The following ZMYND8 variants were observed in gnomAD, a reference collection of about 807,000 sequenced individuals.
The protein encoded by ZMYND8 is zinc finger MYND-type containing 8, also known as MYND-type zinc finger-containing chromatin reader ZMYND8.
Under a neutral mutation model 140.8 loss-of-function variants are expected in ZMYND8, and 37 were observed. The observed-to-expected ratio is 0.26, with a 90% CI of 0.20 to 0.35. The LOEUF (loss-of-function observed/expected upper bound fraction) is 0.35, where lower values mean the gene tolerates loss of function less well. Ranked by LOEUF, ZMYND8 falls within the 10% of genes least tolerant of loss-of-function variation. The pLI, the probability that ZMYND8 is intolerant of heterozygous loss-of-function variation, is 1.00. For synonymous variants in ZMYND8, 592 were observed against 597.1 expected, an observed-to-expected ratio of 0.99 and a Z score of 0.12; for missense variants, 1,068 against 1,570.0, an observed-to-expected ratio of 0.68 and a Z score of 5.40.
At chr20:47,352,042 C>T in intron 1 of ZMYND8, 1 of 977,744 alleles carries the variant, frequency 1.0e-6, no homozygotes. Flanking sequence ...TGTGATGAGG[C>T]CCCCTTGCCC....
At chr20:47,294,072 C>G (rs8121954) in intron 5 of ZMYND8, among the ~76,000 whole-genome samples, 4,017 of 152,148 alleles carry the variant, frequency 0.026, 180 homozygotes, top group African/African-American at 0.091. Flanking sequence ...TTCTGGCGAG[C>G]CACAGTGGCT....
chr20:47,316,835 T>A (rs1360974073), intron 2 of ZMYND8, among the ~76,000 whole-genome samples: 1 of 152,046 alleles, frequency 6.6e-6, no homozygotes, highest in African/African-American at 2.4e-5. Flanking sequence ...GTTTCTTTTA[T>A]TATATGTGAT....
intron 3 of ZMYND8, among the ~76,000 whole-genome samples, chr20:47,307,720 T>C (rs557671385): frequency 2.0e-5 from 3 of 151,058 alleles, no homozygotes; most frequent in African/African-American, 7.3e-5. Flanking sequence ...TCCAGCTACG[T>C]GGAGGCTGAG....
At chr20:47,314,506 A>C (rs2079218472) in intron 2 of ZMYND8, among the ~76,000 whole-genome samples, 1 of 152,234 alleles carries the variant, frequency 6.6e-6, no homozygotes, top group South Asian at 2.1e-4. Flanking sequence ...CTTTAAAAAC[A>C]AAACAAAACA....
chr20:47,319,712 G>C (rs963420358), intron 2 of ZMYND8: 3 of 152,218 alleles, frequency 2.0e-5, no homozygotes, highest in Admixed American at 6.5e-5. Flanking sequence ...TAGCAACCGC[G>C]GCCCTTTCTC....
At chr20:47,262,452 A>C (rs2075224082) in intron 11 of ZMYND8, 24 bp from the exon 12 acceptor site, 1 of 1,613,558 alleles carries the variant, frequency 6.2e-7, no homozygotes, top group African/African-American at 1.3e-5. Context: ...GCATTGTTAA[A>C]AGACAGGTTT....
chr20:47,212,501 G>A (rs753146586), intron 22 of ZMYND8, 141 bp downstream of exon 22: 103 of 914,726 alleles, frequency 1.1e-4, no homozygotes, highest in African/African-American at 7.8e-4. Context: ...AAGAAGAAAC[G>A]TTGCAAAGGA....
Position 47,210,230 on chromosome 20 carries a change from A to G in ZMYND8, c.*531T>C, listed in dbSNP as rs914386346. On this transcript the variant is annotated 3_prime_UTR_variant, in exon 23 of 23. Coordinates refer to ENST00000471951, the MANE Select transcript of ZMYND8 (RefSeq NM_001281775.3). Reference sequence around the variant, plus strand: ...AGTCTGTGCCGAAACTCCCGATCCCAACATGCTGCGTACAGACACACGAGC... The same window carrying G: ...AGTCTGTGCCGAAACTCCCGATCCCGACATGCTGCGTACAGACACACGAGC... 3.3e-5 allele frequency: 5 copies of G among 153,570 alleles called. No individual in the cohort carries two copies. Among genetic ancestry groups the G allele is most frequent in the African/African-American group, 1.2e-4 (5 of 41,426 alleles). 9.5% of individuals were successfully genotyped at this position (153,570 alleles called of 1,614,324 possible). A position where few individuals can be genotyped will look rare whatever the true frequency, so the allele number is the denominator to read the frequency against.
chr20:47,224,648 G>A, intron 18 of ZMYND8, 92 bp from the exon 19 acceptor site: 5 of 1,567,920 alleles, frequency 3.2e-6, no homozygotes, highest in Non-Finnish European at 4.3e-6. Context: ...AGACGTGGAT[G>A]CAAGACCTGG....
At chr20:47,324,839 A>C (rs981535176) in intron 2 of ZMYND8, among the ~76,000 whole-genome samples, 12 of 151,764 alleles carry the variant, frequency 7.9e-5, no homozygotes, top group Non-Finnish European at 1.3e-4. Context: ...CAGCCTCCAG[A>C]CTCCTTATTA....
At chr20:47,347,807 C>A in intron 2 of ZMYND8, 49 bp downstream of exon 2, 1 of 1,592,684 alleles carries the variant, frequency 6.3e-7, no homozygotes, top group South Asian at 1.1e-5. Flanking sequence ...AAAAGAAATT[C>A]CAATTTCCTC....
intron 15 of ZMYND8, chr20:47,237,740 G>T (rs1048561354): frequency 6.6e-6 from 1 of 152,128 alleles, no homozygotes; most frequent in Non-Finnish European, 1.5e-5. Flanking sequence ...CCCCTCACAG[G>T]GGCGCATTCA....
At chr20:47,302,496 C>T (rs1389100563) in intron 3 of ZMYND8, among the ~76,000 whole-genome samples, 1 of 151,994 alleles carries the variant, frequency 6.6e-6, no homozygotes, top group Admixed American at 6.6e-5. Flanking sequence ...TGGGTCCCAT[C>T]CCCGAGATAT....
intron 1 of ZMYND8, chr20:47,353,388 TGTTAATTATAAAA>T (rs2082957134): frequency 6.6e-6 from 1 of 152,274 alleles, no homozygotes; most frequent in Admixed American, 6.5e-5. Context: ...ATCTTTGAGC[TGTTAATTATAAAA>T]GTAACTGGAC....
chr20:47,279,481 C>A (rs966409377), intron 10 of ZMYND8, among the ~76,000 whole-genome samples: 1 of 148,870 alleles, frequency 6.7e-6, no homozygotes, highest in African/African-American at 2.5e-5. Flanking sequence ...CAGAGCAAGA[C>A]CCCCCTCTTA....
rs2039237978 is a variant in ZMYND8, at chr20:47,236,355, C to T, written c.2827G>A (p.Ala943Thr). ...LPIATASADVAADIAKYTSKM... is the reference protein window; with the variant it reads ...LPIATASADVTADIAKYTSKM... ...CTAGTGTACTTGGCAATATCAGCGG[C>T]GACATCAGCTGAGGCAGTGGCGATG... Residue 943 changes from alanine (A) to threonine (T), a missense_variant, in exon 16 of 23, where the codon GCC (alanine) becomes ACC (threonine). This residue lies in a region of ZMYND8 where 87 missense variants were observed against 151.1 expected (regional missense o/e 0.58). Coordinates refer to ENST00000471951, the MANE Select transcript of ZMYND8 (RefSeq NM_001281775.3). 3 of 1,614,208 alleles carry T rather than the reference C, an allele frequency of 1.9e-6. No homozygotes were observed. The highest frequency in any genetic ancestry group is 2.5e-6 in the Non-Finnish European group (3 of 1,180,038).
chr20:47,217,743 A>G (rs1390242473), intron 21 of ZMYND8, among the ~76,000 whole-genome samples: 2 of 152,184 alleles, frequency 1.3e-5, no homozygotes, highest in Non-Finnish European at 2.9e-5. Context: ...GACATTGGGG[A>G]AAAACATGAT....
chr20:47,236,394 T>C lies in ZMYND8; in HGVS notation c.2788A>G (p.Asn930Asp). 6.2e-7 allele frequency: 1 copy of C among 1,614,186 alleles called. No homozygotes were observed. The highest frequency in any genetic ancestry group is 8.5e-7 in the Non-Finnish European group (1 of 1,180,028). Residue 930 changes from asparagine to aspartate, a missense_variant, in exon 16 of 23, where the codon AAC becomes GAC. This residue lies in a region of ZMYND8 where 383 missense variants were observed against 431.2 expected (regional missense o/e 0.89). Coordinates refer to ENST00000471951, the MANE Select transcript of ZMYND8 (RefSeq NM_001281775.3). Reference sequence around the variant, plus strand: ...GCAGTGGCGATGGGCAGGTCAGCGTTGACTGAGGACACAAGGGTGCTCATG... The same window carrying C: ...GCAGTGGCGATGGGCAGGTCAGCGTCGACTGAGGACACAAGGGTGCTCATG... ...GSMSTLVSSV[N>D]ADLPIATASA...
intron 2 of ZMYND8, among the ~76,000 whole-genome samples, chr20:47,343,813 C>A (rs964095286): frequency 1.3e-5 from 2 of 151,962 alleles, no homozygotes; most frequent in African/African-American, 4.8e-5. Context: ...TAATTTATGT[C>A]AAGCCTCTGC....
Sources: gnomAD v4.1 joint callset for allele counts (sites outside exome capture counted in the v4.1 genomes callset) on GRCh38, gnomAD v4.1.1 for gene constraint, gnomAD v4.1.1 regional missense constraint, MANE v1.5 for transcripts, NCBI Gene and HGNC (gene_info 2026-07-23, HGNC 2026-07-21) for gene names.